The following MID1 variants were observed in gnomAD, a reference collection of about 807,000 sequenced individuals.
MID1 encodes the protein midline 1, also known as E3 ubiquitin-protein ligase Midline-1.
A neutral mutation model predicts 40.4 loss-of-function variants in MID1; 7 were observed. The observed-to-expected ratio is 0.17, with a 90% CI of 0.10 to 0.33. The LOEUF is 0.33. Among genes scored for constraint, MID1 ranks in the 10% least tolerant of loss-of-function variants. MID1 has a pLI of 1.00. For missense variants in MID1, 367 were observed against 558.5 expected, an observed-to-expected ratio of 0.66 and a Z score of 3.46; for synonymous variants, 229 against 221.2, an observed-to-expected ratio of 1.04 and a Z score of -0.31.
chrX:10,804,400 A>T lies in MID1; in HGVS notation c.-187+29154T>A, dbSNP rs1192674761. On this transcript the variant is annotated intron_variant, in intron 1 of 10. Transcript: ENST00000380785. The stretch of plus-strand genomic sequence containing the variant: ...TAATAGAAACTGAGGTACATAAATA[A>T]ACCTTTAGTGTGAAGTTTTATGTTG... Among the ~76,000 whole-genome samples, 3 of 111,611 alleles carry T rather than the reference A, an allele frequency of 2.7e-5. No individual in the cohort carries two copies. The East Asian group carries it at 8.4e-4, about 31-fold the overall frequency.
At chrX:10,647,094 T>C (rs962840673) in intron 1 of MID1, among the ~76,000 whole-genome samples, 3 of 111,563 alleles carry the variant, frequency 2.7e-5, no homozygotes, top group Middle Eastern at 4.2e-3. Context: ...AATTAGGGTA[T>C]ATATGGCATT....
chrX:10,671,541 G>A (rs2042987241), intron 1 of MID1, among the ~76,000 whole-genome samples: 1 of 111,206 alleles, frequency 9.0e-6, no homozygotes, highest in South Asian at 3.9e-4. Flanking sequence ...AGGAGAAAAG[G>A]TGTTTCTGGC....
chrX:10,790,370 G>A (rs377213842), intron 1 of MID1, among the ~76,000 whole-genome samples: 1 of 109,297 alleles, frequency 9.1e-6, no homozygotes, highest in East Asian at 2.9e-4. Flanking sequence ...GCCGTGCTCT[G>A]CTTCCTTATC....
At chrX:10,505,459 C>T in intron 3 of MID1, 1 of 754,210 alleles carries the variant, frequency 1.3e-6, no homozygotes, top group Non-Finnish European at 1.6e-6. Flanking sequence ...TTATTAATTA[C>T]ACACTTTATA....
intron 1 of MID1, among the ~76,000 whole-genome samples, chrX:10,670,752 G>A (rs1318300414): frequency 8.9e-6 from 1 of 112,213 alleles, no homozygotes; most frequent in African/African-American, 3.2e-5. Flanking sequence ...AGTGTTGTTG[G>A]AAATGGGAGA....
intron 1 of MID1, among the ~76,000 whole-genome samples, chrX:10,726,809 C>G (rs1158977512): frequency 1.8e-5 from 2 of 112,663 alleles, no homozygotes; most frequent in African/African-American, 6.4e-5. Flanking sequence ...GGTGGCCAAA[C>G]TGTGGTTAGT....
intron 2 of MID1, among the ~76,000 whole-genome samples, chrX:10,531,540 G>A (rs1441092254): frequency 8.9e-6 from 1 of 111,974 alleles, no homozygotes; most frequent in Non-Finnish European, 1.9e-5. Flanking sequence ...GTGATACAGT[G>A]TTTACCTTGT....
intron 1 of MID1, among the ~76,000 whole-genome samples, chrX:10,820,100 A>G (rs1470816791): frequency 8.9e-6 from 1 of 112,315 alleles, no homozygotes; most frequent in Middle Eastern, 4.2e-3. Flanking sequence ...TCACCCATCA[A>G]GGAGTCCTAA....
At position 10,488,772 on chromosome X, in the gene MID1, G is replaced by A. The variant is rs143284467; in HGVS notation, c.865-6144C>T. The stretch of plus-strand genomic sequence containing the variant: ...ATCAGCTGCCAGCGAATATAAGCAG[G>A]CAGAAAAACATGAAAAGGCAAGACT... On this transcript the variant is annotated intron_variant, in intron 4 of 9. Transcript: ENST00000317552. Among the ~76,000 whole-genome samples, 830 of 110,798 alleles carry A rather than the reference G, an allele frequency of 7.5e-3. 9 individuals carry two copies. The highest frequency in any genetic ancestry group is 0.025 in the African/African-American group (762 of 30,416).
chrX:10,748,507 T>A (rs1472528353), intron 1 of MID1, among the ~76,000 whole-genome samples: 1 of 111,954 alleles, frequency 8.9e-6, no homozygotes, highest in Non-Finnish European at 1.9e-5. Context: ...TAAACTTTTC[T>A]CTTAAGTTAT....
intron 4 of MID1, among the ~76,000 whole-genome samples, chrX:10,494,431 A>C (rs1199268904): frequency 9.0e-6 from 1 of 111,550 alleles, no homozygotes; most frequent in African/African-American, 3.3e-5. Context: ...GGATGAATTT[A>C]TTGGATCATA....
At chrX:10,504,681 G>C (rs1416914592) in intron 3 of MID1, among the ~76,000 whole-genome samples, 1 of 111,055 alleles carries the variant, frequency 9.0e-6, no homozygotes, top group African/African-American at 3.3e-5. Context: ...TTCCTTGAAG[G>C]CTGCCTCCTG....
chrX:10,541,449 G>A (rs914922432), intron 2 of MID1, among the ~76,000 whole-genome samples: 5 of 110,067 alleles, frequency 4.5e-5, no homozygotes, highest in African/African-American at 1.3e-4. Context: ...AATGTACTCC[G>A]AGGCAGGCTT....
intron 2 of MID1, among the ~76,000 whole-genome samples, chrX:10,549,448 G>A (rs1458110507): frequency 8.8e-6 from 1 of 113,335 alleles, no homozygotes; most frequent in African/African-American, 3.2e-5. Flanking sequence ...AATCCGGCCA[G>A]TCACCTATTT....
At chrX:10,703,111 A>G (rs2043202787) in intron 1 of MID1, among the ~76,000 whole-genome samples, 1 of 112,306 alleles carries the variant, frequency 8.9e-6, no homozygotes, top group Non-Finnish European at 1.9e-5. Context: ...AATGAACAAC[A>G]TAATTTATTA....
intron 8 of MID1, among the ~76,000 whole-genome samples, chrX:10,458,047 A>G (rs1317922620): frequency 8.9e-6 from 1 of 112,623 alleles, no homozygotes; most frequent in Non-Finnish European, 1.9e-5. Flanking sequence ...ATAGTCTAGG[A>G]CCTTTTTGAG....
intron 5 of MID1, among the ~76,000 whole-genome samples, chrX:10,480,250 T>C (rs1483801646): frequency 1.8e-5 from 2 of 112,387 alleles, no homozygotes; most frequent in African/African-American, 3.2e-5. Context: ...GGGCTTGTTA[T>C]AGAGAGAGCT....
At chrX:10,596,447 A>C (rs901121114) in intron 1 of MID1, among the ~76,000 whole-genome samples, 10 of 112,454 alleles carry the variant, frequency 8.9e-5, no homozygotes, top group African/African-American at 3.2e-4. Flanking sequence ...GTTTACTAGA[A>C]TAAATGTAAA....
At chrX:10,821,483 C>T in intron 1 of MID1, among the ~76,000 whole-genome samples, 1 of 112,289 alleles carries the variant, frequency 8.9e-6, no homozygotes, top group East Asian at 2.8e-4. Context: ...GACACTAGTA[C>T]TAAGTCACTC....
Sources: allele counts gnomAD v4.1 joint callset (sites outside exome capture counted in the v4.1 genomes callset), GRCh38; gene constraint gnomAD v4.1.1; transcripts MANE v1.5; gene names NCBI Gene and HGNC (gene_info 2026-07-23, HGNC 2026-07-21).